The following GNB1L variants were observed in gnomAD, a reference collection of about 807,000 sequenced individuals.
The protein encoded by GNB1L is guanine nucleotide-binding protein subunit beta-like protein 1.
A neutral mutation model predicts 29.1 loss-of-function variants in GNB1L; 20 were observed. That is an observed-to-expected ratio of 0.69 (90% CI 0.48 to 1.00). The LOEUF is 1.00. GNB1L is among the 50% of genes least tolerant of loss of function. GNB1L has a pLI of 0.00. For synonymous variants in GNB1L, 193 were observed against 206.5 expected (o/e 0.93, Z 0.56); for missense variants, 421 against 464.9 (o/e 0.91, Z 0.87).
intron 2 of GNB1L, among the ~76,000 whole-genome samples, chr22:19,825,584 T>C (rs1290834029): frequency 6.6e-6 from 1 of 150,428 alleles, no homozygotes; most frequent in Non-Finnish European, 1.5e-5. Context: ...ATCGCGCCAC[T>C]GCACTCCAGC....
At chr22:19,838,450 TA>T (rs1937802179) in intron 2 of GNB1L, among the ~76,000 whole-genome samples, 1 of 149,980 alleles carries the variant, frequency 6.7e-6, no homozygotes. Flanking sequence ...GGCAGTTTCT[TA>T]TTTATTTATT....
intron 7 of GNB1L, among the ~76,000 whole-genome samples, chr22:19,797,322 C>T (rs1387230783): frequency 8.4e-6 from 1 of 118,936 alleles, no homozygotes; most frequent in Non-Finnish European, 1.7e-5. Context: ...GCAGAGTGGG[C>T]GGAGCACATG....
rs1938082774 is a variant in GNB1L at position 19,851,095 on chromosome 22, G to A, written c.-21+3348C>T. On this transcript the variant is annotated intron_variant, in intron 2 of 7. Coordinates refer to ENST00000329517, the MANE Select transcript of GNB1L (RefSeq NM_053004.3). ...GGGGACACCACTCTGCTCTGACTGG[G>A]GACTATGGGGCGCTCAAGCCACACA... 6 of 1,493,646 alleles carry A rather than the reference G, an allele frequency of 4.0e-6. No individual in the cohort carries two copies. In the African/African-American group the frequency reaches 4.2e-5, roughly 10 times the overall value. The allele number at this position is 1,493,646 out of a possible 1,614,324, so 92.5% of individuals were successfully genotyped here. A position where few individuals can be genotyped will look rare whatever the true frequency, so the allele number is the denominator to read the frequency against.
intron 7 of GNB1L, among the ~76,000 whole-genome samples, chr22:19,789,951 C>G (rs949964761): frequency 6.6e-6 from 1 of 152,162 alleles, no homozygotes; most frequent in Non-Finnish European, 1.5e-5. Context: ...TTAGGCCGTC[C>G]TCAGAATGCT....
chr22:19,853,719 G>T (rs897325210), intron 2 of GNB1L, among the ~76,000 whole-genome samples: 6 of 133,504 alleles, frequency 4.5e-5, no homozygotes, highest in Non-Finnish European at 7.8e-5. Context: ...ACCCCCCTCT[G>T]GGGGGGGGGT....
intron 2 of GNB1L, among the ~76,000 whole-genome samples, chr22:19,830,562 A>G (rs1429727831): frequency 6.6e-6 from 1 of 152,194 alleles, no homozygotes; most frequent in African/African-American, 2.4e-5. Context: ...AGGAAAAAGG[A>G]TCCTTTGTTC....
Position 19,812,857 on chromosome 22 carries a change from C to A in GNB1L, c.255-410G>T, listed in dbSNP as rs866320053. Among the ~76,000 whole-genome samples the A allele has an allele frequency of 2.0e-5, 3 of 152,346 alleles. No individual in the cohort carries two copies. In the Middle Eastern group the frequency reaches 0.01, roughly 518 times the overall value. On this transcript the variant is annotated intron_variant, in intron 4 of 7. Coordinates refer to ENST00000329517, the MANE Select transcript of GNB1L (RefSeq NM_053004.3). Reference sequence around the variant, plus strand: ...AGAACAGAGGGGAGCCAACCTGAGGCATTTTGGGGTAGTGCTCATGACTAG... The same window carrying A: ...AGAACAGAGGGGAGCCAACCTGAGGAATTTTGGGGTAGTGCTCATGACTAG...
chr22:19,830,186 C>T (rs930880606), intron 2 of GNB1L, among the ~76,000 whole-genome samples: 2 of 151,824 alleles, frequency 1.3e-5, no homozygotes, highest in East Asian at 1.9e-4. Flanking sequence ...ACTCCAGCCT[C>T]GGCAACACAG....
At chr22:19,821,729 G>A (rs1354098423) in intron 2 of GNB1L, among the ~76,000 whole-genome samples, 2 of 152,188 alleles carry the variant, frequency 1.3e-5, no homozygotes, top group South Asian at 2.1e-4. Flanking sequence ...TCCCTGAGTG[G>A]GCACAGCGGC....
Position 19,816,733 on chromosome 22 carries a change from C to T in GNB1L, c.254+3865G>A, listed in dbSNP as rs1937527275. ...ACACAACACACAGGTTCTTTCTCAC[C>T]TTCCCCCTTCTCGTGTCTGTAACTC... On this transcript the variant is annotated intron_variant, in intron 4 of 7. Coordinates refer to ENST00000329517, the MANE Select transcript of GNB1L (RefSeq NM_053004.3). The surrounding 1 kb of genome is among the most constrained non-coding windows in gnomAD (Gnocchi z 4.4). Among the ~76,000 whole-genome samples the T allele has an allele frequency of 6.6e-6, 1 of 152,186 alleles. No individual in the cohort carries two copies. Among genetic ancestry groups the T allele is most frequent in the African/African-American group, 2.4e-5 (1 of 41,454 alleles).
At chr22:19,833,352 C>A (rs1028892575) in intron 2 of GNB1L, among the ~76,000 whole-genome samples, 13 of 152,154 alleles carry the variant, frequency 8.5e-5, no homozygotes, top group Non-Finnish European at 2.9e-5. Flanking sequence ...CAAACAAATA[C>A]GAATTTCAGA....
At position 19,820,615 on chromosome 22, in the gene GNB1L, CT is replaced by C; in HGVS notation, c.236del (p.Gln79ArgfsTer12). 1 of 1,612,948 alleles carries C rather than the reference CT, an allele frequency of 6.2e-7. No individual in the cohort carries two copies. The highest frequency in any genetic ancestry group is 8.5e-7 in the Non-Finnish European group (1 of 1,179,824). On this transcript the variant is annotated frameshift_variant, in exon 4 of 8. Coordinates refer to ENST00000329517, the MANE Select transcript of GNB1L (RefSeq NM_053004.3). LOFTEE classifies it high-confidence loss of function. Reference protein sequence around the residue: ...QCVTWLQTLPQGRQLLSQGRD... With the variant: ...QCVTWLQTLPXGRQLLSQGRD... ...AGACCCACCTGAGGAGCTGGCGCCC[CT>C]GGGGCAGCGTCTGCAGCCAGGTCAC...
chr22:19,820,691 A>G lies in GNB1L; in HGVS notation c.161T>C (p.Leu54Pro). ...GGTGGTAACCGCTCTCCGCGTCTGC[A>G]GGCTCCAGATGTGTACCAGGCCACT... ...SQSGLVHIWS[L>P]QTRRAVTTLD... The change falls in exon 4 of 8, where the codon CTG becomes CCG. Residue 54 changes from leucine to proline, a missense_variant. Coordinates refer to ENST00000329517, the MANE Select transcript of GNB1L (RefSeq NM_053004.3). 1.2e-6 allele frequency: 2 copies of G among 1,613,660 alleles called. No individual in the cohort carries two copies. Among genetic ancestry groups the G allele is most frequent in the Non-Finnish European group, 1.7e-6 (2 of 1,179,916 alleles).
rs759469679 is a variant in GNB1L, at chr22:19,806,706, T to C, written c.469A>G (p.Lys157Glu). 1 of 1,613,564 alleles carries C rather than the reference T, an allele frequency of 6.2e-7. No homozygotes were observed. The highest frequency in any genetic ancestry group is 8.5e-7 in the Non-Finnish European group (1 of 1,179,902). Residue 157 changes from lysine to glutamate, a missense_variant, in exon 6 of 8, where the codon AAG (lysine) becomes GAG (glutamate). Physicochemically the swap from Lys to Glu is moderately conservative, Grantham distance 56. Coordinates refer to ENST00000329517, the MANE Select transcript of GNB1L (RefSeq NM_053004.3). ...GGCATGCCCAGCTTGGCATCTGCCT[T>C]CGGCTTCAGGGCGCACACTGACGTC... is the stretch of plus-strand genomic sequence containing the variant. The part of the protein sequence containing the change: ...SKTSVCALKP[K>E]ADAKLGMPMC...
intron 2 of GNB1L, chr22:19,848,780 C>T (rs1303869551): frequency 3.0e-6 from 3 of 985,518 alleles, no homozygotes; most frequent in Non-Finnish European, 3.6e-6. Context: ...GCCCCAAAGC[C>T]CCAATAGGAC....
In GNB1L at chr22:19,785,454, C is replaced by T. The variant is rs1428736138; in HGVS notation, c.*3255G>A. ...AACACAGGATGGTAGAACACACCTA[C>T]CTGAGTTGGCACTGAAAATGGCAAG... On this transcript the variant is annotated 3_prime_UTR_variant, in exon 8 of 8. Transcript: ENST00000329517. This position sits in a 1 kb window ranked among gnomAD's most constrained non-coding sequence, Gnocchi z 4.1. The T allele has an allele frequency of 1.3e-5, 2 of 152,042 alleles. No individual in the cohort carries two copies. The highest frequency in any genetic ancestry group is 2.1e-4 in the South Asian group (1 of 4,828). 9.4% of individuals were successfully genotyped at this position (152,042 alleles called of 1,614,324 possible). A position where few individuals can be genotyped will look rare whatever the true frequency, so the allele number is the denominator to read the frequency against.
At chr22:19,799,314 T>C (rs1000966180) in intron 7 of GNB1L, among the ~76,000 whole-genome samples, 3 of 152,228 alleles carry the variant, frequency 2.0e-5, no homozygotes, top group African/African-American at 7.2e-5. Flanking sequence ...AGGCTCTAAC[T>C]GTGACAGCTC....
At chr22:19,798,167 C>T (rs112882769) in intron 7 of GNB1L, among the ~76,000 whole-genome samples, 7 of 152,298 alleles carry the variant, frequency 4.6e-5, no homozygotes, top group African/African-American at 1.2e-4. Context: ...GCACCTGCTG[C>T]GCGGGGCCGT....
chr22:19,814,342 C>T (rs1397312763), intron 4 of GNB1L, among the ~76,000 whole-genome samples: 1 of 152,176 alleles, frequency 6.6e-6, no homozygotes, highest in African/African-American at 2.4e-5. Context: ...GTCTCAAACT[C>T]CTCGGCTTAA....
Sources: gnomAD v4.1 joint callset for allele counts (sites outside exome capture counted in the v4.1 genomes callset) on GRCh38, gnomAD v4.1.1 for gene constraint, Gnocchi (gnomAD v3.1) non-coding constraint, MANE v1.5 for transcripts, NCBI Gene and HGNC (gene_info 2026-07-23, HGNC 2026-07-21) for gene names.